TMEM26: variants seen among roughly 807,000 people sequenced by gnomAD.
TMEM26 encodes transmembrane protein 26.
Under a neutral mutation model 28.8 loss-of-function variants are expected in TMEM26, and 38 were observed. The observed-to-expected ratio is 1.32, with a 90% CI of 1.02 to 1.73. The LOEUF is 1.73. TMEM26 is among the 40% of genes most tolerant of loss of function. The probability of loss-of-function intolerance (pLI) is 0.00; values close to 1 mark genes in which losing one functional copy is unlikely to be tolerated. For missense variants in TMEM26, 518 were observed against 447.1 expected (o/e 1.16, Z -1.43); for synonymous variants, 227 against 182.9 (o/e 1.24, Z -1.95).
At chr10:61,441,105 G>A (rs1438907900) in intron 1 of TMEM26, among the ~76,000 whole-genome samples, 1 of 151,610 alleles carries the variant, frequency 6.6e-6, no homozygotes, top group African/African-American at 2.4e-5. Context: ...AAATATTTTT[G>A]ATCTGCAGTT....
At chr10:61,415,997 G>T in intron 4 of TMEM26, 3 of 399,602 alleles carry the variant, frequency 7.5e-6, no homozygotes, top group East Asian at 7.7e-5. Flanking sequence ...GATTTCAGTT[G>T]CACCTGTGAG....
At chr10:61,417,480 A>C (rs574106085) in intron 4 of TMEM26, among the ~76,000 whole-genome samples, 89 of 146,742 alleles carry the variant, frequency 6.1e-4, no homozygotes, top group African/African-American at 2.1e-3. Flanking sequence ...TTTTTTTTTT[A>C]ATGACAAATA....
intron 2 of TMEM26, among the ~76,000 whole-genome samples, chr10:61,433,328 G>C (rs1159277562): frequency 6.6e-6 from 1 of 152,106 alleles, no homozygotes; most frequent in East Asian, 1.9e-4. Context: ...AACCTAGCCT[G>C]ACTTGTATTA....
At chr10:61,424,544 T>G (rs996400452) in intron 4 of TMEM26, among the ~76,000 whole-genome samples, 2 of 152,136 alleles carry the variant, frequency 1.3e-5, no homozygotes, top group African/African-American at 4.8e-5. Flanking sequence ...ATTTTTTTAA[T>G]TTTTTACCCT....
chr10:61,425,952 G>T (rs1490925843), intron 4 of TMEM26, among the ~76,000 whole-genome samples: 3 of 152,052 alleles, frequency 2.0e-5, no homozygotes, highest in African/African-American at 7.2e-5. Flanking sequence ...CTACCAAAGA[G>T]AAATGAAAAC....
chr10:61,448,743 A>T (rs1317938606), intron 1 of TMEM26, among the ~76,000 whole-genome samples: 4 of 152,110 alleles, frequency 2.6e-5, no homozygotes, highest in African/African-American at 9.7e-5. Context: ...ATGAGAGATA[A>T]CAAAGCAAGG....
In TMEM26 at chr10:61,427,310, A is replaced by AT. The variant is rs200272894; in HGVS notation, c.605+1615dup. On this transcript the variant is annotated intron_variant, in intron 4 of 5. Transcript: ENST00000399298. The stretch of plus-strand genomic sequence containing the variant: ...TAAGTGCTCCCTAAATTCTTACTGA[A>AT]TTGAAACAGTCTTGATTGAGATAGG... Among the ~76,000 whole-genome samples, 670 of 152,182 alleles carry AT rather than the reference A, an allele frequency of 4.4e-3. 7 individuals are homozygous for AT. Among genetic ancestry groups the AT allele is most frequent in the African/African-American group, 0.015 (619 of 41,554 alleles).
rs777638769 is a variant in TMEM26 at position 61,428,885 on chromosome 10, G to A, written c.605+41C>T. The A allele has an allele frequency of 1.3e-5, 20 of 1,562,692 alleles. No homozygotes were observed. In the African/African-American group the frequency reaches 2.0e-4, roughly 16 times the overall value. On this transcript the variant is annotated intron_variant, in intron 4 of 5. Transcript: ENST00000399298. ...AACAAAGAGACAGGTGCATGGTCTT[G>A]ACCCTGAAAACAAGGTGTTTTTGCT...
intron 3 of TMEM26, among the ~76,000 whole-genome samples, chr10:61,430,180 A>T (rs1839897982): frequency 6.6e-6 from 1 of 152,068 alleles, no homozygotes; most frequent in Non-Finnish European, 1.5e-5. Flanking sequence ...ACTGAGAGAG[A>T]AACTAAGCGA....
chr10:61,426,145 A>AAACATTATGTT (rs1839827793), intron 4 of TMEM26, among the ~76,000 whole-genome samples: 2 of 152,168 alleles, frequency 1.3e-5, no homozygotes, highest in Non-Finnish European at 2.9e-5. Flanking sequence ...TGAATCCCAG[A>AAACATTATGTT]AACATTATGT....
rs1839524650 is a variant in TMEM26, at chr10:61,408,593, G to C, written c.*1729C>G. On this transcript the variant is annotated 3_prime_UTR_variant, in exon 6 of 6. Transcript: ENST00000399298. ...TGCTGAGGCATTTTTATAAATAGCAGTTATTATTTTGCTTTCAACTGCTGA... is the reference window on the plus strand; with the variant it reads ...TGCTGAGGCATTTTTATAAATAGCACTTATTATTTTGCTTTCAACTGCTGA... 1 of 152,182 alleles carries C rather than the reference G, an allele frequency of 6.6e-6. No individual in the cohort carries two copies. The allele number at this position is 152,182 out of a possible 1,614,324, so 9.4% of individuals were successfully genotyped here.
chr10:61,445,605 A>G (rs1264366002), intron 1 of TMEM26, among the ~76,000 whole-genome samples: 2 of 152,314 alleles, frequency 1.3e-5, no homozygotes, highest in East Asian at 3.9e-4. Flanking sequence ...TACATTAACA[A>G]GCCTTATATT....
rs1839533973 is a variant in TMEM26, at chr10:61,409,304, G to A, written c.*1018C>T. 6.6e-6 allele frequency: 1 copy of A among 152,134 alleles called. No homozygotes were observed. Among genetic ancestry groups the A allele is most frequent in the Non-Finnish European group, 1.5e-5 (1 of 68,042 alleles). The allele number at this position is 152,134 out of a possible 1,614,324, so 9.4% of individuals were successfully genotyped here. ...ATTCCGACTCCCGTCACTCAACAAG[G>A]GCTGTTGGCCATGGGTGGAGCTGAT... On this transcript the variant is annotated 3_prime_UTR_variant, in exon 6 of 6. Coordinates refer to ENST00000399298, the MANE Select transcript of TMEM26 (RefSeq NM_178505.8).
rs1024058741 is a variant in TMEM26 at position 61,410,167 on chromosome 10, G to A, written c.*155C>T. ...TAATCAAAGTTCCTTCTATTCAGTTGAAAAAAGAAAATTCCTCAGCTTTGG... is the reference window on the plus strand; with the variant it reads ...TAATCAAAGTTCCTTCTATTCAGTTAAAAAAAGAAAATTCCTCAGCTTTGG... On this transcript the variant is annotated 3_prime_UTR_variant, in exon 6 of 6. Transcript: ENST00000399298. The A allele has an allele frequency of 1.9e-5, 16 of 821,486 alleles. 1 individual carries two copies. Among genetic ancestry groups the A allele is most frequent in the Non-Finnish European group, 3.0e-5 (16 of 541,062 alleles). The allele number at this position is 821,486 out of a possible 1,614,324, so 50.9% of individuals were successfully genotyped here.
chr10:61,444,653 T>TAAAA (rs10711559), intron 1 of TMEM26, among the ~76,000 whole-genome samples: 31 of 133,870 alleles, frequency 2.3e-4, no homozygotes, highest in African/African-American at 7.6e-4. Flanking sequence ...CCTCATAATT[T>TAAAA]AAAAAAAAAA....
intron 2 of TMEM26, among the ~76,000 whole-genome samples, chr10:61,435,159 T>C (rs1027492288): frequency 1.3e-5 from 2 of 152,186 alleles, no homozygotes; most frequent in Non-Finnish European, 2.9e-5. Context: ...TAAAAATTTC[T>C]GTAATAAATT....
At chr10:61,452,018 C>G (rs188275799) in intron 1 of TMEM26, among the ~76,000 whole-genome samples, 1 of 151,348 alleles carries the variant, frequency 6.6e-6, no homozygotes, top group Non-Finnish European at 1.5e-5. Context: ...AAAACACATC[C>G]TATTTAAAGA....
At chr10:61,433,606 C>G (rs1291341819) in intron 2 of TMEM26, among the ~76,000 whole-genome samples, 1 of 152,016 alleles carries the variant, frequency 6.6e-6, no homozygotes, top group Admixed American at 6.6e-5. Flanking sequence ...GTACACCCAA[C>G]CAGATTCAGG....
At chr10:61,432,656 T>TA (rs201128562) in intron 2 of TMEM26, among the ~76,000 whole-genome samples, 18 of 147,630 alleles carry the variant, frequency 1.2e-4, no homozygotes, top group Admixed American at 4.7e-4. Flanking sequence ...CTTATTTTTT[T>TA]AAAAAAAATT....
Sources: gnomAD v4.1 joint callset for allele counts (sites outside exome capture counted in the v4.1 genomes callset) on GRCh38, gnomAD v4.1.1 for gene constraint, MANE v1.5 for transcripts, NCBI Gene and HGNC (gene_info 2026-07-23, HGNC 2026-07-21) for gene names.